DYSF: variants seen among roughly 807,000 people sequenced by gnomAD.
The protein encoded by DYSF is dystrophy-associated fer-1-like 1.
DYSF carries 212 observed loss-of-function variants against 274.9 expected under a neutral mutation model. The ratio of observed to expected loss-of-function variants is 0.77; its 90% CI spans 0.69 to 0.86. The LOEUF (loss-of-function observed/expected upper bound fraction) is 0.86, where lower values mean the gene tolerates loss of function less well. DYSF is among the 40% of genes least tolerant of loss of function. The pLI, the probability that DYSF is intolerant of heterozygous loss-of-function variation, is 0.00. For missense variants in DYSF, 2,666 were observed against 2,783.2 expected (o/e 0.96, Z 0.95); for synonymous variants, 1,091 against 1,078.7 (o/e 1.01, Z -0.22).
chr2:71,505,610 A>G (rs55901624), intron 4 of DYSF, among the ~76,000 whole-genome samples: 14,497 of 152,232 alleles, frequency 0.095, 764 homozygotes, highest in Middle Eastern at 0.13. Flanking sequence ...GCTGTGTGCC[A>G]TGGAGGATCT....
At position 71,631,338 on chromosome 2, in the gene DYSF, C is replaced by T. The variant is rs139716754; in HGVS notation, c.4527+10729C>T. On this transcript the variant is annotated intron_variant, in intron 41 of 55. Transcript: ENST00000410020. ...CTAATTAGGAAGTCACTTATCTTTT[C>T]CTTAAAGTAGGTTTCCTAAGGACAT... is the stretch of plus-strand genomic sequence containing the variant. 2.0e-5 allele frequency among the ~76,000 whole-genome samples: 3 copies of T among 152,282 alleles called. No individual in the cohort carries two copies. In the East Asian group the frequency reaches 5.8e-4, roughly 29 times the overall value.
Position 71,528,294 on chromosome 2 carries a change from C to G in DYSF, c.1277-4C>G, listed in dbSNP as rs760860539. On this transcript the variant is annotated splice_region_variant and splice_polypyrimidine_tract_variant and intron_variant, in intron 13 of 55. Coordinates refer to ENST00000410020, the MANE Select transcript of DYSF (RefSeq NM_001130987.2). ...GGCAGTGACTGGTGTGTCCCTCTTC[C>G]CAGTGGACGATGCCGTGATGGACAA... 1.2e-6 allele frequency: 2 copies of G among 1,613,276 alleles called. No individual in the cohort carries two copies. Among genetic ancestry groups the G allele is most frequent in the Admixed American group, 3.3e-5 (2 of 59,932 alleles).
Position 71,602,802 on chromosome 2 carries a change from T to C in DYSF, c.3954T>C (p.Asp1318=). 6.2e-7 allele frequency: 1 copy of C among 1,612,710 alleles called. No individual in the cohort carries two copies. The highest frequency in any genetic ancestry group is 8.5e-7 in the Non-Finnish European group (1 of 1,179,590). The change falls in exon 36 of 56, where the codon GAT becomes GAC. Residue 1318 remains aspartate, a synonymous_variant. Coordinates refer to ENST00000410020, the MANE Select transcript of DYSF (RefSeq NM_001130987.2). ...FEVQETSRIL[D]ESEDTDLPYP... ...TGCAGGAGACATCAAGGATCCTGGA[T>C]GAGGTGAGCTGGGCGTGGTGGTTGG...
chr2:71,626,054 T>C (rs939481890), intron 41 of DYSF, among the ~76,000 whole-genome samples: 5 of 152,070 alleles, frequency 3.3e-5, no homozygotes. Context: ...CTCCTGGATT[T>C]TCTATAGAGT....
At chr2:71,571,637 C>G (rs1174367972) in intron 29 of DYSF, among the ~76,000 whole-genome samples, 1 of 132,312 alleles carries the variant, frequency 7.6e-6, no homozygotes, top group Non-Finnish European at 1.6e-5. Context: ...ACACCCAGCA[C>G]ATGCAGAGAT....
At chr2:71,568,486 A>C (rs1574046230) in intron 26 of DYSF, 148 bp downstream of exon 26, 1 of 1,095,226 alleles carries the variant, frequency 9.1e-7, no homozygotes, top group East Asian at 2.4e-5. Context: ...CTCTCCCAGG[A>C]CTGAGGCTTG....
chr2:71,541,698 T>A (rs2152770576), intron 17 of DYSF, among the ~76,000 whole-genome samples: 1 of 152,230 alleles, frequency 6.6e-6, no homozygotes, highest in Non-Finnish European at 1.5e-5. Flanking sequence ...TGTGTCATGC[T>A]CAAACCCTAA....
At chr2:71,524,082 C>G (rs1461651184) in intron 12 of DYSF, among the ~76,000 whole-genome samples, 1 of 152,182 alleles carries the variant, frequency 6.6e-6, no homozygotes, top group South Asian at 2.1e-4. Context: ...CCATCCCTCT[C>G]TAGCCTTTTC....
chr2:71,575,419 C>T (rs1046265829), intron 30 of DYSF, among the ~76,000 whole-genome samples: 2 of 152,118 alleles, frequency 1.3e-5, no homozygotes, highest in African/African-American at 4.8e-5. Context: ...GCCCTGGGGC[C>T]AGGTCAAGGG....
At chr2:71,493,256 C>T (rs1281536806) in intron 3 of DYSF, among the ~76,000 whole-genome samples, 1 of 152,050 alleles carries the variant, frequency 6.6e-6, no homozygotes, top group Non-Finnish European at 1.5e-5. Flanking sequence ...TAATGTTTTT[C>T]ATTTCATAGC....
At chr2:71,533,916 C>G (rs768329942) in intron 14 of DYSF, among the ~76,000 whole-genome samples, 5 of 152,230 alleles carry the variant, frequency 3.3e-5, no homozygotes, top group African/African-American at 4.8e-5. Context: ...TGAACTGTCT[C>G]TTCCACTCTT....
chr2:71,654,830 G>T (rs535191311), intron 42 of DYSF, among the ~76,000 whole-genome samples: 4 of 152,112 alleles, frequency 2.6e-5, no homozygotes, highest in Non-Finnish European at 4.4e-5. Context: ...TGTAATCCCA[G>T]CACTTTGGGA....
chr2:71,682,867 C>G (rs560000337), intron 55 of DYSF, among the ~76,000 whole-genome samples, 190 bp downstream of exon 55: 1 of 152,162 alleles, frequency 6.6e-6, no homozygotes, highest in Non-Finnish European at 1.5e-5. Context: ...AAAGTTCTAC[C>G]CTTGGAGGCT....
chr2:71,680,861 G>C (rs545308003), intron 53 of DYSF, 140 bp from the exon 54 acceptor site: 76 of 721,872 alleles, frequency 1.1e-4, no homozygotes, highest in Non-Finnish European at 1.7e-4. Context: ...CAAAGAGCAG[G>C]TGCTGCTTTT....
intron 22 of DYSF, among the ~76,000 whole-genome samples, chr2:71,558,484 G>A (rs2091486482): frequency 1.3e-5 from 2 of 152,310 alleles, no homozygotes; most frequent in South Asian, 4.1e-4. Context: ...GTGACTCATG[G>A]TGCCATGTTG....
chr2:71,613,275 T>G (rs1574353240), intron 39 of DYSF, 59 bp from the exon 40 acceptor site: 1 of 1,520,306 alleles, frequency 6.6e-7, no homozygotes, highest in Non-Finnish European at 9.0e-7. Flanking sequence ...CTGGGGCTGG[T>G]GAGGGGCGAG....
At chr2:71,575,485 C>T (rs528173404) in intron 30 of DYSF, among the ~76,000 whole-genome samples, 12 of 152,192 alleles carry the variant, frequency 7.9e-5, no homozygotes, top group African/African-American at 2.4e-4. Flanking sequence ...ACTGGTCTTC[C>T]GGCCAGGGTC....
At chr2:71,516,544 G>A (rs959702367) in intron 9 of DYSF, among the ~76,000 whole-genome samples, 3 of 152,230 alleles carry the variant, frequency 2.0e-5, no homozygotes, top group African/African-American at 4.8e-5. Context: ...TCCCCCTGGG[G>A]CCTCAGGTCA....
intron 24 of DYSF, among the ~76,000 whole-genome samples, chr2:71,566,082 C>G (rs1273906942): frequency 6.6e-6 from 1 of 152,172 alleles, no homozygotes; most frequent in South Asian, 2.1e-4. Flanking sequence ...AGATTCTAAC[C>G]TCCTGTGCTT....
Sources: allele counts gnomAD v4.1 joint callset (sites outside exome capture counted in the v4.1 genomes callset), GRCh38; gene constraint gnomAD v4.1.1; transcripts MANE v1.5; gene names NCBI Gene and HGNC (gene_info 2026-07-23, HGNC 2026-07-21).